MGAT4C: variants seen among roughly 807,000 people sequenced by gnomAD.
MGAT4C encodes alpha-1,3-mannosyl-glycoprotein 4-beta-N-acetylglucosaminyltransferase C.
MGAT4C carries 19 observed loss-of-function variants against 40.1 expected under a neutral mutation model. The ratio of observed to expected loss-of-function variants is 0.47; its 90% confidence interval spans 0.33 to 0.70. MGAT4C has a LOEUF of 0.70. Among genes scored for constraint, MGAT4C ranks in the 30% least tolerant of loss-of-function variants. MGAT4C has a pLI of 0.02. For synonymous variants in MGAT4C, 181 were observed against 187.1 expected (o/e 0.97, Z 0.27); for missense variants, 491 against 563.2 (o/e 0.87, Z 1.30).
At chr12:86,317,839 T>C (rs1954282638) in intron 4 of MGAT4C, among the ~76,000 whole-genome samples, 1 of 151,318 alleles carries the variant, frequency 6.6e-6, no homozygotes, top group Admixed American at 6.6e-5. Flanking sequence ...TAACGTGCCT[T>C]TAGCGGAAGG....
At chr12:86,761,961 C>T (rs1024496473) in intron 1 of MGAT4C, among the ~76,000 whole-genome samples, 1 of 151,894 alleles carries the variant, frequency 6.6e-6, no homozygotes, top group African/African-American at 2.4e-5. Context: ...TTATCTTTGT[C>T]AGGGGGGCAT....
In MGAT4C at chr12:85,962,418, ATAAT is replaced by A. The variant is rs1883160238; in HGVS notation, c.*16867_*16870del. 4.1e-5 allele frequency: 6 copies of A among 147,924 alleles called. No homozygotes were observed. The allele number at this position is 147,924 out of a possible 1,614,324, so 9.2% of individuals were successfully genotyped here. ...ATTATATAATTAATTATATAATTAT[ATAAT>A]TATATAAAATTTTATAATTAATTAT... On this transcript the variant is annotated 3_prime_UTR_variant, in exon 5 of 5. Transcript: ENST00000611864.
At chr12:86,252,905 A>G (rs1952359618) in intron 1 of MGAT4C, among the ~76,000 whole-genome samples, 1 of 151,934 alleles carries the variant, frequency 6.6e-6, no homozygotes, top group South Asian at 2.1e-4. Flanking sequence ...CTGTTTTGAT[A>G]TCTACCACAA....
chr12:86,542,525 C>A (rs1252358197), intron 2 of MGAT4C, among the ~76,000 whole-genome samples: 1 of 152,132 alleles, frequency 6.6e-6, no homozygotes, highest in East Asian at 1.9e-4. Flanking sequence ...TTAATTTTTC[C>A]TACTTCTTTC....
chr12:85,980,521 C>T (rs1369986498), intron 4 of MGAT4C, 91 bp from the exon 5 acceptor site: 1 of 1,148,932 alleles, frequency 8.7e-7, no homozygotes, highest in African/African-American at 1.6e-5. Context: ...TGACTTGCTA[C>T]TTACTACATA....
intron 2 of MGAT4C, among the ~76,000 whole-genome samples, chr12:86,507,956 A>G (rs1958500503): frequency 6.6e-6 from 1 of 152,116 alleles, no homozygotes; most frequent in African/African-American, 2.4e-5. Flanking sequence ...TGTCATTGAC[A>G]TTGTGATAGA....
At chr12:86,295,634 T>C (rs1405218634) in intron 4 of MGAT4C, among the ~76,000 whole-genome samples, 2 of 152,166 alleles carry the variant, frequency 1.3e-5, no homozygotes, top group African/African-American at 4.8e-5. Context: ...TTCTCTTATC[T>C]GGCCCCACCC....
chr12:86,023,266 T>C (rs1331005217), intron 2 of MGAT4C, among the ~76,000 whole-genome samples: 1 of 152,122 alleles, frequency 6.6e-6, no homozygotes, highest in African/African-American at 2.4e-5. Flanking sequence ...AGTCAATTTT[T>C]TTTTCTGGTA....
At chr12:86,772,847 AG>A (rs1266285081) in intron 1 of MGAT4C, among the ~76,000 whole-genome samples, 1 of 152,168 alleles carries the variant, frequency 6.6e-6, no homozygotes, top group African/African-American at 2.4e-5. Context: ...TGGTTTCACA[AG>A]TTCACAGCTG....
intron 1 of MGAT4C, among the ~76,000 whole-genome samples, chr12:86,142,714 T>A: frequency 6.6e-6 from 1 of 151,902 alleles, no homozygotes; most frequent in East Asian, 1.9e-4. Context: ...CCATTCTTTT[T>A]TTTTTTTGTT....
At chr12:86,054,723 A>G (rs909203657) in intron 1 of MGAT4C, among the ~76,000 whole-genome samples, 2 of 151,914 alleles carry the variant, frequency 1.3e-5, no homozygotes, top group African/African-American at 2.4e-5. Flanking sequence ...AGCTTAAAAA[A>G]ACAAAATAAA....
intron 2 of MGAT4C, among the ~76,000 whole-genome samples, chr12:86,457,084 C>T (rs1228333871): frequency 6.6e-6 from 1 of 152,102 alleles, no homozygotes; most frequent in Non-Finnish European, 1.5e-5. Flanking sequence ...AGTTGAGAAT[C>T]CACTGTTCTT....
chr12:86,816,439 T>G (rs746050745), intron 1 of MGAT4C, among the ~76,000 whole-genome samples: 32 of 151,916 alleles, frequency 2.1e-4, no homozygotes, highest in Admixed American at 1.1e-3. Flanking sequence ...ATTGCTGGTA[T>G]AGGTTTCAAA....
intron 1 of MGAT4C, among the ~76,000 whole-genome samples, chr12:86,213,487 A>T (rs1950561767): frequency 1.3e-5 from 2 of 152,230 alleles, no homozygotes; most frequent in Non-Finnish European, 2.9e-5. Context: ...CCTCATGGTG[A>T]ATAAAAATAA....
chr12:86,610,105 A>AT (rs201965535), intron 2 of MGAT4C, among the ~76,000 whole-genome samples: 215 of 151,798 alleles, frequency 1.4e-3, no homozygotes, highest in African/African-American at 4.9e-3. Context: ...ATGCATGGCA[A>AT]TTTTTTTTTC....
At chr12:86,517,229 G>A (rs1958706729) in intron 2 of MGAT4C, among the ~76,000 whole-genome samples, 1 of 152,104 alleles carries the variant, frequency 6.6e-6, no homozygotes, top group Non-Finnish European at 1.5e-5. Flanking sequence ...ACAGTTTTGT[G>A]AATATACTAA....
At chr12:86,118,005 A>T (rs1462658242) in intron 1 of MGAT4C, among the ~76,000 whole-genome samples, 4 of 152,214 alleles carry the variant, frequency 2.6e-5, no homozygotes, top group Non-Finnish European at 4.4e-5. Context: ...AAGGCAGACA[A>T]GTCACCAAAA....
chr12:86,126,356 G>C (rs1216496432), intron 1 of MGAT4C, among the ~76,000 whole-genome samples: 1 of 151,852 alleles, frequency 6.6e-6, no homozygotes, highest in Non-Finnish European at 1.5e-5. Context: ...AAGTATAGTG[G>C]AAGACTCCAG....
At chr12:86,205,971 C>G (rs1010587494) in intron 1 of MGAT4C, among the ~76,000 whole-genome samples, 1 of 151,010 alleles carries the variant, frequency 6.6e-6, no homozygotes, top group Non-Finnish European at 1.5e-5. Context: ...AAAAATTAAG[C>G]AATTATGGCT....
Sources: gnomAD v4.1 joint callset for allele counts (sites outside exome capture counted in the v4.1 genomes callset) on GRCh38, gnomAD v4.1.1 for gene constraint, MANE v1.5 for transcripts, NCBI Gene and HGNC (gene_info 2026-07-23, HGNC 2026-07-21) for gene names.